HMGCLL1: variants seen among roughly 807,000 people sequenced by gnomAD.
HMGCLL1 encodes 3-hydroxy-3-methylglutaryl-CoA lyase like 1, also known as 3-hydroxymethyl-3-methylglutaryl-CoA lyase, cytoplasmic.
Under a neutral mutation model 39.1 loss-of-function variants are expected in HMGCLL1, and 36 were observed. The ratio of observed to expected loss-of-function variants is 0.92; its 90% confidence interval spans 0.71 to 1.22. The LOEUF (loss-of-function observed/expected upper bound fraction) is 1.22. Among genes scored for constraint, HMGCLL1 ranks in the 50% most tolerant of loss-of-function variants. HMGCLL1 has a pLI of 0.00. For synonymous variants in HMGCLL1, 149 were observed against 144.0 expected (o/e 1.03, Z -0.25); for missense variants, 451 against 416.5 (o/e 1.08, Z -0.72).
the HMGCLL1 span, among the ~76,000 whole-genome samples, chr6:55,606,363 T>A: frequency 6.6e-6 from 1 of 152,116 alleles, no homozygotes; most frequent in South Asian, 2.1e-4. Context: ...ATATTTTATA[T>A]CTTGGACAGA....
intron 1 of HMGCLL1, among the ~76,000 whole-genome samples, chr6:55,567,553 C>G (rs1358966107): frequency 1.3e-5 from 2 of 152,062 alleles, no homozygotes; most frequent in Non-Finnish European, 1.5e-5. Context: ...ATTGTTATCA[C>G]TAATTGAATT....
chr6:55,457,710 G>T (rs1581801759), intron 7 of HMGCLL1, among the ~76,000 whole-genome samples: 1 of 151,142 alleles, frequency 6.6e-6, no homozygotes, highest in East Asian at 1.9e-4. Context: ...TCTGTGTGTT[G>T]GCTTTATTCT....
the HMGCLL1 span, among the ~76,000 whole-genome samples, chr6:55,657,491 T>C: frequency 6.6e-6 from 1 of 152,022 alleles, no homozygotes; most frequent in East Asian, 1.9e-4. Context: ...TTGTCGAAGA[T>C]CACAGAGTGT....
chr6:55,469,282 T>C (rs1316662203), intron 7 of HMGCLL1, among the ~76,000 whole-genome samples: 1 of 150,774 alleles, frequency 6.6e-6, no homozygotes, highest in Admixed American at 6.7e-5. Flanking sequence ...AAGTACAATT[T>C]TTTTTGCTTC....
the HMGCLL1 span, among the ~76,000 whole-genome samples, chr6:55,595,465 A>C: frequency 6.6e-6 from 1 of 152,232 alleles, no homozygotes; most frequent in Non-Finnish European, 1.5e-5. Context: ...AAAGCAGTTC[A>C]GCTAATGACA....
At chr6:55,539,729 T>C (rs566246115) in intron 3 of HMGCLL1, among the ~76,000 whole-genome samples, 1 of 146,736 alleles carries the variant, frequency 6.8e-6, no homozygotes, top group African/African-American at 2.5e-5. Context: ...GAGGAGAGAA[T>C]AAGGAAAAAT....
At chr6:55,594,695 A>G in the HMGCLL1 span, among the ~76,000 whole-genome samples, 4 of 152,094 alleles carry the variant, frequency 2.6e-5, no homozygotes. Context: ...TCCCTCTGGT[A>G]TTGGGTAGTG....
the HMGCLL1 span, among the ~76,000 whole-genome samples, chr6:55,612,166 C>T: frequency 1.3e-5 from 2 of 152,054 alleles, no homozygotes; most frequent in African/African-American, 2.4e-5. Context: ...CAGGCAGGCA[C>T]AGAGCCAAAT....
intron 4 of HMGCLL1, among the ~76,000 whole-genome samples, chr6:55,514,827 T>C (rs1581883586): frequency 6.6e-6 from 1 of 152,178 alleles, no homozygotes; most frequent in East Asian, 1.9e-4. Context: ...ACTTTATTCC[T>C]TCTTCCAGGC....
intron 7 of HMGCLL1, among the ~76,000 whole-genome samples, chr6:55,443,683 A>T (rs1326383889): frequency 1.3e-5 from 2 of 152,168 alleles, no homozygotes; most frequent in African/African-American, 2.4e-5. Context: ...AAGCCAAAAA[A>T]AAAAAAGTTC....
chr6:55,628,406 A>T, the HMGCLL1 span, among the ~76,000 whole-genome samples: 1 of 150,336 alleles, frequency 6.7e-6, no homozygotes, highest in African/African-American at 2.4e-5. Flanking sequence ...GGTTCAAACA[A>T]TTCTCCCTGC....
intron 3 of HMGCLL1, among the ~76,000 whole-genome samples, chr6:55,525,290 C>G (rs1043007345): frequency 6.6e-6 from 1 of 151,726 alleles, no homozygotes; most frequent in Non-Finnish European, 1.5e-5. Flanking sequence ...GGCTCTAAAA[C>G]AGAGTTAGGG....
At chr6:55,639,141 T>A in the HMGCLL1 span, among the ~76,000 whole-genome samples, 1 of 151,990 alleles carries the variant, frequency 6.6e-6, no homozygotes, top group Non-Finnish European at 1.5e-5. Context: ...TGCAAAGAAA[T>A]GTTGAACTAT....
At chr6:55,582,136 G>GA (rs921967321), upstream of HMGCLL1, among the ~76,000 whole-genome samples, 8 of 152,278 alleles carry the variant, frequency 5.3e-5, no homozygotes, top group Admixed American at 1.3e-4. Flanking sequence ...GTTGGTTCTA[G>GA]ATTATCTATG....
At chr6:55,586,007 A>G in the HMGCLL1 span, among the ~76,000 whole-genome samples, 1 of 152,146 alleles carries the variant, frequency 6.6e-6, no homozygotes, top group Non-Finnish European at 1.5e-5. Flanking sequence ...TTATAGTAGA[A>G]TTTGCATATC....
the HMGCLL1 span, among the ~76,000 whole-genome samples, chr6:55,640,232 T>C: frequency 6.6e-6 from 1 of 152,100 alleles, no homozygotes; most frequent in Non-Finnish European, 1.5e-5. Context: ...GTTCATGCAA[T>C]ACTCCAGTAA....
At chr6:55,599,411 A>AT in the HMGCLL1 span, among the ~76,000 whole-genome samples, 2 of 152,160 alleles carry the variant, frequency 1.3e-5, no homozygotes, top group African/African-American at 2.4e-5. Context: ...GATAAATAAT[A>AT]TTTTTTATGA....
At chr6:55,606,045 A>T in the HMGCLL1 span, among the ~76,000 whole-genome samples, 1 of 152,186 alleles carries the variant, frequency 6.6e-6, no homozygotes, top group African/African-American at 2.4e-5. Context: ...GTTATTGAAG[A>T]GTTAGTTATC....
At chr6:55,570,232 T>A (rs1771405748) in intron 1 of HMGCLL1, among the ~76,000 whole-genome samples, 1 of 152,208 alleles carries the variant, frequency 6.6e-6, no homozygotes, top group South Asian at 2.1e-4. Flanking sequence ...GTCTTCTTTA[T>A]TTTTCCAGCT....
Sources: gnomAD v4.1 joint callset for allele counts (sites outside exome capture counted in the v4.1 genomes callset) on GRCh38, gnomAD v4.1.1 for gene constraint, MANE v1.5 for transcripts, NCBI Gene and HGNC (gene_info 2026-07-23, HGNC 2026-07-21) for gene names.